NTM: variants seen among roughly 807,000 people sequenced by gnomAD.
NTM encodes the protein IgLON family member 2.
A neutral mutation model predicts 42.1 loss-of-function variants in NTM; 13 were observed. The observed-to-expected ratio is 0.31, with a 90% CI of 0.20 to 0.49. The LOEUF is 0.49. Among genes scored for constraint, NTM ranks in the 20% least tolerant of loss-of-function variants. The probability of loss-of-function intolerance (pLI) is 0.99; values close to 1 mark genes in which losing one functional copy is unlikely to be tolerated. For missense variants in NTM, 373 were observed against 452.8 expected, an observed-to-expected ratio of 0.82 and a Z score of 1.60; for synonymous variants, 187 against 179.2, an observed-to-expected ratio of 1.04 and a Z score of -0.35.
At chr11:132,218,611 G>A (rs1160030069) in intron 4 of NTM, among the ~76,000 whole-genome samples, 1 of 152,128 alleles carries the variant, frequency 6.6e-6, no homozygotes, top group Non-Finnish European at 1.5e-5. Context: ...TTCTGCTAGA[G>A]TATCAGAATC....
chr11:131,552,172 A>G (rs2054758188), intron 1 of NTM, among the ~76,000 whole-genome samples: 1 of 152,202 alleles, frequency 6.6e-6, no homozygotes, highest in Non-Finnish European at 1.5e-5. Flanking sequence ...CAGGGTCAGG[A>G]AAGAAGAGGA....
intron 2 of NTM, among the ~76,000 whole-genome samples, chr11:132,090,681 T>C: frequency 6.7e-6 from 1 of 148,832 alleles, no homozygotes; most frequent in East Asian, 1.9e-4. Context: ...CTACACCCTT[T>C]CTTCACTTTC....
Position 132,208,516 on chromosome 11 carries a change from G to A in NTM, c.401-3506G>A, listed in dbSNP as rs572813310. Among the ~76,000 whole-genome samples, 88 of 152,256 alleles carry A rather than the reference G, an allele frequency of 5.8e-4. 3 individuals carry two copies. In the South Asian group the frequency reaches 0.018, roughly 30 times the overall value. ...TGGATATTTTCCAATTATTAGTGGG[G>A]GGAGACAATTCTAGATGATTCTTCC... On this transcript the variant is annotated intron_variant, in intron 3 of 8. Transcript: ENST00000683400.
rs1565658506 is a variant in NTM, at chr11:131,577,264, C to T, written c.82+206376C>T. On this transcript the variant is annotated intron_variant, in intron 1 of 8. Transcript: ENST00000683400. ...AATAAATATTTGAGGATGGGGAAAA[C>T]ATCCTCTGAGCAGATAGCTTGAAAA... Among the ~76,000 whole-genome samples the T allele has an allele frequency of 2.6e-5, 4 of 152,254 alleles. No individual in the cohort carries two copies. The South Asian group carries it at 8.3e-4, about 32-fold the overall frequency.
chr11:131,879,582 G>A (rs751369443), intron 1 of NTM, among the ~76,000 whole-genome samples: 1 of 152,164 alleles, frequency 6.6e-6, no homozygotes, highest in Non-Finnish European at 1.5e-5. Context: ...CTGCTCGTCA[G>A]CTTTGTAGCA....
intron 1 of NTM, among the ~76,000 whole-genome samples, chr11:131,630,748 C>A (rs1460738286): frequency 1.3e-5 from 2 of 152,160 alleles, no homozygotes; most frequent in South Asian, 2.1e-4. Context: ...GCACTGGGAT[C>A]TCTTGGAGGT....
chr11:131,407,347 C>G, intron 1 of NTM, among the ~76,000 whole-genome samples: 1 of 152,176 alleles, frequency 6.6e-6, no homozygotes, highest in East Asian at 1.9e-4. Context: ...CTGGCACTGT[C>G]CTTTGCTTGT....
chr11:131,544,359 T>A (rs2136836318), intron 1 of NTM, among the ~76,000 whole-genome samples: 1 of 152,340 alleles, frequency 6.6e-6, no homozygotes, highest in African/African-American at 2.4e-5. Flanking sequence ...CTGGTTCGTT[T>A]GTCTACAGTT....
At chr11:131,487,150 T>C (rs1323293940) in intron 1 of NTM, among the ~76,000 whole-genome samples, 1 of 152,330 alleles carries the variant, frequency 6.6e-6, no homozygotes, top group East Asian at 1.9e-4. Context: ...CTGCCATCCC[T>C]GGGCCCCTGG....
chr11:131,471,600 G>A (rs771799887), intron 1 of NTM, among the ~76,000 whole-genome samples: 50 of 152,332 alleles, frequency 3.3e-4, no homozygotes, highest in Admixed American at 2.3e-3. Flanking sequence ...GGGAATGAGT[G>A]TGAGAATTCC....
At chr11:132,206,604 C>G (rs2082024543) in intron 3 of NTM, among the ~76,000 whole-genome samples, 1 of 152,196 alleles carries the variant, frequency 6.6e-6, no homozygotes, top group Admixed American at 6.5e-5. Context: ...CAAGGTTGCC[C>G]AGTTAGAACA....
intron 1 of NTM, among the ~76,000 whole-genome samples, chr11:131,873,636 C>CCGTATATATAT (rs1565658078): frequency 3.3e-4 from 36 of 107,594 alleles, no homozygotes; most frequent in African/African-American, 8.9e-4. Context: ...TATATATATA[C>CCGTATATATAT]ACATATATAT....
intron 8 of NTM, 69 bp from the exon 9 acceptor site, chr11:132,334,977 C>T (rs2095859970): frequency 1.3e-6 from 2 of 1,576,544 alleles, no homozygotes; most frequent in Admixed American, 3.4e-5. Context: ...TGACAGCAGA[C>T]CAGGCAACCA....
At chr11:131,972,438 A>G (rs140162067) in intron 2 of NTM, among the ~76,000 whole-genome samples, 1 of 152,314 alleles carries the variant, frequency 6.6e-6, no homozygotes, top group East Asian at 1.9e-4. Flanking sequence ...CCATTTAGGT[A>G]ATTAAGATGA....
chr11:131,906,939 A>G (rs981183927), intron 1 of NTM, among the ~76,000 whole-genome samples: 1 of 152,212 alleles, frequency 6.6e-6, no homozygotes, highest in African/African-American at 2.4e-5. Flanking sequence ...ATAGAGGAGC[A>G]AAAAATAGCA....
At chr11:131,867,550 G>C (rs1246458305) in intron 1 of NTM, among the ~76,000 whole-genome samples, 1 of 151,986 alleles carries the variant, frequency 6.6e-6, no homozygotes, top group East Asian at 1.9e-4. Flanking sequence ...GTGTGTGCGT[G>C]TTTGGGTGTC....
chr11:131,501,592 G>T (rs1233517199), intron 1 of NTM, among the ~76,000 whole-genome samples: 3 of 152,162 alleles, frequency 2.0e-5, no homozygotes, highest in Non-Finnish European at 4.4e-5. Context: ...AGGTCAGGCT[G>T]GCTGCTTTTT....
intron 2 of NTM, among the ~76,000 whole-genome samples, chr11:132,028,249 T>TC (rs2075447437): frequency 2.0e-5 from 3 of 151,738 alleles, no homozygotes; most frequent in Admixed American, 6.6e-5. Flanking sequence ...CAGCTGGTTT[T>TC]TTTTTTTTTT....
intron 2 of NTM, among the ~76,000 whole-genome samples, chr11:131,940,088 G>C (rs560515820): frequency 6.6e-6 from 1 of 152,348 alleles, no homozygotes; most frequent in East Asian, 1.9e-4. Flanking sequence ...CCTTCAGAGA[G>C]CTTTTCTCAC....
Sources: gnomAD v4.1 joint callset for allele counts (sites outside exome capture counted in the v4.1 genomes callset) on GRCh38, gnomAD v4.1.1 for gene constraint, MANE v1.5 for transcripts, NCBI Gene and HGNC (gene_info 2026-07-23, HGNC 2026-07-21) for gene names.